Variants in PPP1R12C observed in about 807,000 individuals in gnomAD.
PPP1R12C encodes protein phosphatase 1 regulatory subunit 12C.
Under a neutral mutation model 95.6 loss-of-function variants are expected in PPP1R12C, and 48 were observed. The ratio of observed to expected loss-of-function variants is 0.50; its 90% CI spans 0.40 to 0.64. The LOEUF (loss-of-function observed/expected upper bound fraction) is 0.64. PPP1R12C is among the 30% of genes least tolerant of loss of function. The probability of loss-of-function intolerance (pLI) is 0.00; values close to 1 mark genes in which losing one functional copy is unlikely to be tolerated. For synonymous variants in PPP1R12C, 480 were observed against 460.8 expected, an observed-to-expected ratio of 1.04 and a Z score of -0.53; for missense variants, 1,057 against 1,083.3, an observed-to-expected ratio of 0.98 and a Z score of 0.34.
chr19:55,092,593 A>T lies in PPP1R12C; in HGVS notation c.1952+29T>A, dbSNP rs754463724. The T allele has an allele frequency of 1.6e-5, 25 of 1,549,064 alleles. No individual in the cohort carries two copies. The Admixed American group carries it at 5.0e-4, about 31-fold the overall frequency. ...TCAGGGGCCGGCCCGGCCCGCACGCAGACCCCACCTCTCCCACCCCGCCCC... is the reference window on the plus strand; with the variant it reads ...TCAGGGGCCGGCCCGGCCCGCACGCTGACCCCACCTCTCCCACCCCGCCCC... On this transcript the variant is annotated intron_variant, in intron 17 of 21. Coordinates refer to ENST00000263433, the MANE Select transcript of PPP1R12C (RefSeq NM_017607.4).
At chr19:55,091,749 A>AG in intron 20 of PPP1R12C, 49 bp from the exon 21 acceptor site, 1 of 1,613,110 alleles carries the variant, frequency 6.2e-7, no homozygotes, top group Non-Finnish European at 8.5e-7. Context: ...TGAGGAGGGC[A>AG]GGGGAAGGCC....
At chr19:55,112,282 T>G in intron 3 of PPP1R12C, 185 bp downstream of exon 3, 2 of 409,010 alleles carry the variant, frequency 4.9e-6, no homozygotes, top group Non-Finnish European at 9.1e-6. Context: ...TGTGCTGGGC[T>G]CCAAGCAATC....
intron 11 of PPP1R12C, 84 bp downstream of exon 11, chr19:55,095,207 A>G (rs896884337): frequency 1.1e-4 from 148 of 1,408,456 alleles, no homozygotes; most frequent in East Asian, 3.2e-4. Context: ...CAGGGGGTAC[A>G]TGGTCTCACT....
In PPP1R12C at chr19:55,098,819, T is replaced by A; in HGVS notation, c.916A>T (p.Ser306Cys). The change falls in exon 6 of 22, where the codon AGC (serine) becomes TGC (cysteine). Residue 306 changes from serine to cysteine, a missense_variant. Coordinates refer to ENST00000263433, the MANE Select transcript of PPP1R12C (RefSeq NM_017607.4). ...PCDLADEEVL[S>C]LLEELARKQE... is the part of the protein sequence containing the mutation. ...TTCCGGGCCAGTTCCTCCAACAGGCTCAGTACTTCCTCATCGGCCAGGTCA... is the reference window on the plus strand; with the variant it reads ...TTCCGGGCCAGTTCCTCCAACAGGCACAGTACTTCCTCATCGGCCAGGTCA... 6.2e-7 allele frequency: 1 copy of A among 1,613,494 alleles called. No individual in the cohort carries two copies. The highest frequency in any genetic ancestry group is 8.5e-7 in the Non-Finnish European group (1 of 1,180,006).
rs544413423 is a variant in PPP1R12C at position 55,091,457 on chromosome 19, G to C, written c.*15C>G. ...AGCAGCTGTATAAATACGGGTGCGG[G>C]AAAGTCCCTCCGGGTCACTTGGAGA... On this transcript the variant is annotated 3_prime_UTR_variant, in exon 22 of 22. Coordinates refer to ENST00000263433, the MANE Select transcript of PPP1R12C (RefSeq NM_017607.4). 14 of 1,610,608 alleles carry C rather than the reference G, an allele frequency of 8.7e-6. No individual in the cohort carries two copies. The South Asian group carries it at 1.3e-4, about 15-fold the overall frequency.
intron 4 of PPP1R12C, 127 bp downstream of exon 4, chr19:55,103,282 G>C: frequency 1.1e-6 from 1 of 907,842 alleles, no homozygotes; most frequent in Non-Finnish European, 1.5e-6. Flanking sequence ...AAACTTGTGG[G>C]TACAGCTAAG....
At position 55,093,001 on chromosome 19, in the gene PPP1R12C, G is replaced by T. The variant is rs750974036; in HGVS notation, c.1825+15C>A. 6.4e-7 allele frequency: 1 copy of T among 1,568,302 alleles called. No individual in the cohort carries two copies. Among genetic ancestry groups the T allele is most frequent in the South Asian group, 1.2e-5 (1 of 84,216 alleles). ...ATGATTCCCTGGGAATGACCTCCCC[G>T]AGAGCAGACCTCACCTCTCTGGGCA... On this transcript the variant is annotated intron_variant, in intron 15 of 21. Coordinates refer to ENST00000263433, the MANE Select transcript of PPP1R12C (RefSeq NM_017607.4).
At position 55,109,229 on chromosome 19, in the gene PPP1R12C, T is replaced by C. The variant is rs1320074950; in HGVS notation, c.571+3238A>G. On this transcript the variant is annotated intron_variant, in intron 3 of 21. Coordinates refer to ENST00000263433, the MANE Select transcript of PPP1R12C (RefSeq NM_017607.4). The surrounding 1 kb of genome is among the most constrained non-coding windows in gnomAD (Gnocchi z 4.4). The stretch of plus-strand genomic sequence containing the variant: ...AATCTTCTCACCTCAGCCTACTGAG[T>C]AGCTGGGAGCGTACGTGCATTCCCA... Among the ~76,000 whole-genome samples the C allele has an allele frequency of 6.6e-6, 1 of 152,168 alleles. No homozygotes were observed. The highest frequency in any genetic ancestry group is 6.5e-5 in the Admixed American group (1 of 15,272).
In PPP1R12C at chr19:55,112,709, C is replaced by A. The variant is rs758330702; in HGVS notation, c.408G>T (p.Thr136=). Reference sequence around the variant, plus strand: ...CACAGGAGGCGGCCACGTGCAGTGGCGTCCAGCCCTCGTTGTCTGCCTGGT... The same window carrying A: ...CACAGGAGGCGGCCACGTGCAGTGGAGTCCAGCCCTCGTTGTCTGCCTGGT... The part of the protein sequence containing the change: ...TVNQADNEGW[T]PLHVAASCGY... Residue 136 remains threonine, a synonymous_variant, in exon 2 of 22, where the codon ACG becomes ACT. Transcript: ENST00000263433. 6 of 1,613,750 alleles carry A rather than the reference C, an allele frequency of 3.7e-6. No homozygotes were observed. The African/African-American group carries it at 5.3e-5, about 14-fold the overall frequency.
chr19:55,099,013 C>G lies in PPP1R12C; in HGVS notation c.814G>C (p.Val272Leu). The G allele has an allele frequency of 6.4e-7, 1 of 1,556,598 alleles. No homozygotes were observed. Among genetic ancestry groups the G allele is most frequent in the Non-Finnish European group, 8.7e-7 (1 of 1,150,430 alleles). ...TPLHAAAHWG[V>L]EDACRLLAEH... ...GCCAGCAGGCGGCAGGCATCCTCCA[C>G]GCCCCAGTGTGCCGCTGCGTGCAGG... Residue 272 changes from valine to leucine, a missense_variant, in exon 5 of 22, where the codon GTG (valine) becomes CTG (leucine). Physicochemically the swap from Val to Leu is conservative, Grantham distance 32 (BLOSUM62 1). Coordinates refer to ENST00000263433, the MANE Select transcript of PPP1R12C (RefSeq NM_017607.4).
At chr19:55,092,046 CG>C in intron 19 of PPP1R12C, 137 bp from the exon 20 acceptor site, 1 of 1,223,034 alleles carries the variant, frequency 8.2e-7, no homozygotes, top group Non-Finnish European at 1.2e-6. Flanking sequence ...GCCCCGCCAC[CG>C]GCAGGCCCAC....
intron 1 of PPP1R12C, chr19:55,113,457 C>T: frequency 6.7e-7 from 1 of 1,484,548 alleles, no homozygotes; most frequent in East Asian, 2.7e-5. Context: ...CGGGGCCCTG[C>T]AGCCAGGGGC....
intron 13 of PPP1R12C, 57 bp from the exon 14 acceptor site, chr19:55,093,290 C>T (rs1317559856): frequency 5.2e-6 from 8 of 1,533,696 alleles, no homozygotes. Flanking sequence ...GCCCCTCCTC[C>T]CTCAGACCCA....
In PPP1R12C at chr19:55,092,874, G is replaced by C. The variant is rs756043071; in HGVS notation, c.1826-6C>G. 3.8e-6 allele frequency: 6 copies of C among 1,596,906 alleles called. No individual in the cohort carries two copies. Among genetic ancestry groups the C allele is most frequent in the African/African-American group, 1.3e-5 (1 of 74,632 alleles). On this transcript the variant is annotated splice_region_variant and splice_polypyrimidine_tract_variant and intron_variant, in intron 15 of 21. Coordinates refer to ENST00000263433, the MANE Select transcript of PPP1R12C (RefSeq NM_017607.4). ...CTGCCCGTCGGGCGCCTCTGCTGGG[G>C]GAGGGGCAGGAATCAGCCCAGGCAC...
chr19:55,099,963 T>C (rs924904229), intron 4 of PPP1R12C, among the ~76,000 whole-genome samples: 4 of 152,156 alleles, frequency 2.6e-5, no homozygotes, highest in East Asian at 1.9e-4. Context: ...AAAGAGGCCT[T>C]ATAAGCACAA....
chr19:55,113,161 A>G, intron 1 of PPP1R12C: 2 of 490,110 alleles, frequency 4.1e-6, no homozygotes, highest in South Asian at 7.8e-5. Flanking sequence ...AGACTAGGGA[A>G]GAGGTTCCAG....
intron 8 of PPP1R12C, 55 bp from the exon 9 acceptor site, chr19:55,095,995 C>A: frequency 1.2e-6 from 2 of 1,607,918 alleles, no homozygotes; most frequent in Non-Finnish European, 1.7e-6. Flanking sequence ...CCTCTAGATT[C>A]AGAGAACCCG....
chr19:55,113,577 C>G, intron 1 of PPP1R12C: 1 of 1,304,240 alleles, frequency 7.7e-7, no homozygotes, highest in Non-Finnish European at 9.8e-7. Flanking sequence ...CTTGTGGACA[C>G]TGGGTGGGCT....
At chr19:55,100,055 G>A (rs1299943111) in intron 4 of PPP1R12C, among the ~76,000 whole-genome samples, 1 of 152,114 alleles carries the variant, frequency 6.6e-6, no homozygotes, top group Non-Finnish European at 1.5e-5. Context: ...AGCTGTGCTG[G>A]GCCCTCGCTA....
Sources: gnomAD v4.1 joint callset for allele counts (sites outside exome capture counted in the v4.1 genomes callset) on GRCh38, gnomAD v4.1.1 for gene constraint, Gnocchi (gnomAD v3.1) non-coding constraint, MANE v1.5 for transcripts, NCBI Gene and HGNC (gene_info 2026-07-23, HGNC 2026-07-21) for gene names.